Variants in PRORP observed in about 807,000 individuals in gnomAD.
The protein encoded by PRORP is protein only RNase P catalytic subunit, also known as mitochondrial ribonuclease P catalytic subunit.
Under a neutral mutation model 59.4 loss-of-function variants are expected in PRORP, and 51 were observed. That is an observed-to-expected ratio of 0.86 (90% CI 0.69 to 1.08). The LOEUF (loss-of-function observed/expected upper bound fraction) is 1.08, where lower values mean the gene tolerates loss of function less well. PRORP is among the 50% of genes least tolerant of loss of function. The probability of loss-of-function intolerance (pLI) is 0.00; values close to 1 mark genes in which losing one functional copy is unlikely to be tolerated. For missense variants in PRORP, 646 were observed against 690.3 expected (o/e 0.94, Z 0.72); for synonymous variants, 231 against 245.6 (o/e 0.94, Z 0.55).
At chr14:35,200,914 C>T (rs1191437328) in intron 5 of PRORP, among the ~76,000 whole-genome samples, 1 of 152,080 alleles carries the variant, frequency 6.6e-6, no homozygotes, top group Non-Finnish European at 1.5e-5. Flanking sequence ...TTCTGGAATC[C>T]CATCCAGGAT....
intron 5 of PRORP, among the ~76,000 whole-genome samples, chr14:35,237,803 C>T (rs1010908656): frequency 6.6e-6 from 1 of 151,520 alleles, no homozygotes; most frequent in Admixed American, 6.6e-5. Flanking sequence ...CAGGCGTATG[C>T]CACCAAGCCC....
At chr14:35,245,069 C>T (rs530287362) in intron 5 of PRORP, among the ~76,000 whole-genome samples, 6 of 152,240 alleles carry the variant, frequency 3.9e-5, no homozygotes, top group Non-Finnish European at 8.8e-5. Context: ...GGGTTTACCA[C>T]ATCAGGGCAT....
chr14:35,185,932 A>G (rs1053662262), intron 5 of PRORP, among the ~76,000 whole-genome samples: 2 of 152,172 alleles, frequency 1.3e-5, no homozygotes, highest in African/African-American at 4.8e-5. Context: ...TGGTTACTGA[A>G]ATAGTATACT....
intron 4 of PRORP, among the ~76,000 whole-genome samples, chr14:35,150,830 GA>G (rs960771847): frequency 1.3e-5 from 2 of 152,194 alleles, no homozygotes; most frequent in African/African-American, 4.8e-5. Context: ...TGCTCAAATG[GA>G]AAGTTTTGTG....
chr14:35,208,367 G>C (rs750675492), intron 5 of PRORP, among the ~76,000 whole-genome samples: 4 of 152,108 alleles, frequency 2.6e-5, no homozygotes, highest in Admixed American at 2.0e-4. Flanking sequence ...CTTGAGCCCA[G>C]GAGTTCAAGG....
intron 5 of PRORP, among the ~76,000 whole-genome samples, chr14:35,250,895 T>C (rs2050596349): frequency 6.6e-6 from 1 of 152,068 alleles, no homozygotes; most frequent in Non-Finnish European, 1.5e-5. Flanking sequence ...TTTCCGTAGG[T>C]TATTGGGGAA....
At chr14:35,215,665 G>A (rs1218398130) in intron 5 of PRORP, among the ~76,000 whole-genome samples, 2 of 152,070 alleles carry the variant, frequency 1.3e-5, no homozygotes, top group Non-Finnish European at 2.9e-5. Context: ...GGAGGCGGAA[G>A]GATTGCTTGA....
At chr14:35,242,969 AT>A (rs1225933462) in intron 5 of PRORP, among the ~76,000 whole-genome samples, 1 of 152,192 alleles carries the variant, frequency 6.6e-6, no homozygotes, top group Non-Finnish European at 1.5e-5. Flanking sequence ...CAAAGACATC[AT>A]GGTATATCTG....
intron 5 of PRORP, among the ~76,000 whole-genome samples, chr14:35,192,812 G>A (rs1010039350): frequency 2.6e-5 from 4 of 151,976 alleles, no homozygotes; most frequent in South Asian, 2.1e-4. Flanking sequence ...TGACCAACAC[G>A]GCGAAACCCT....
chr14:35,271,193 C>T lies in PRORP; in HGVS notation c.1620+597C>T, dbSNP rs1180835704. 3.0e-5 allele frequency among the ~76,000 whole-genome samples: 4 copies of T among 132,404 alleles called. 1 individual carries two copies. The highest frequency in any genetic ancestry group is 5.7e-5 in the African/African-American group (2 of 34,952). The allele number at this position is 132,404 out of a possible 152,430, so 86.9% of individuals were successfully genotyped here. ...TTTTTTTTTGAGACGGAATCTCACT[C>T]TGTCGCCCAGGCTGGAGTGCAGTGG... On this transcript the variant is annotated intron_variant, in intron 7 of 7. Transcript: ENST00000534898.
intron 5 of PRORP, among the ~76,000 whole-genome samples, chr14:35,208,975 G>A (rs1172350336): frequency 6.6e-6 from 1 of 152,076 alleles, no homozygotes; most frequent in Non-Finnish European, 1.5e-5. Flanking sequence ...AGGTTGCAGT[G>A]AGCCGAGATT....
chr14:35,174,562 A>G (rs749945695), intron 4 of PRORP, among the ~76,000 whole-genome samples: 1 of 152,050 alleles, frequency 6.6e-6, no homozygotes, highest in Non-Finnish European at 1.5e-5. Context: ...GATTGGCTGA[A>G]TCTTTACCTC....
intron 5 of PRORP, among the ~76,000 whole-genome samples, chr14:35,182,478 C>G (rs1052234311): frequency 1.6e-4 from 25 of 151,890 alleles, no homozygotes; most frequent in African/African-American, 5.6e-4. Flanking sequence ...AACCCCATCT[C>G]TACTAAAAAT....
At chr14:35,152,601 G>A (rs921979151) in intron 4 of PRORP, among the ~76,000 whole-genome samples, 1 of 151,378 alleles carries the variant, frequency 6.6e-6, no homozygotes, top group Non-Finnish European at 1.5e-5. Context: ...GCCGGGCGGG[G>A]GCTGACCCCC....
At chr14:35,233,246 C>G (rs990654937) in intron 5 of PRORP, among the ~76,000 whole-genome samples, 3 of 150,074 alleles carry the variant, frequency 2.0e-5, no homozygotes, top group African/African-American at 7.4e-5. Context: ...CTGATAGGTA[C>G]TTACCATCGG....
chr14:35,232,059 C>T (rs2050094688), intron 5 of PRORP, among the ~76,000 whole-genome samples: 1 of 152,152 alleles, frequency 6.6e-6, no homozygotes, highest in Non-Finnish European at 1.5e-5. Context: ...GTTTACAGAT[C>T]ACTTCTGCAG....
intron 5 of PRORP, among the ~76,000 whole-genome samples, chr14:35,196,399 C>G (rs12890874): frequency 1.3e-5 from 2 of 151,922 alleles, no homozygotes; most frequent in African/African-American, 4.8e-5. Flanking sequence ...GAGGCTGAGG[C>G]GGGGGGAGGA....
chr14:35,267,394 C>T (rs2051067372), intron 6 of PRORP, among the ~76,000 whole-genome samples: 1 of 152,062 alleles, frequency 6.6e-6, no homozygotes, highest in African/African-American at 2.4e-5. Context: ...ATGGGGTGGT[C>T]AGGAACAGCC....
At chr14:35,194,536 G>A (rs963186268) in intron 5 of PRORP, among the ~76,000 whole-genome samples, 7 of 152,122 alleles carry the variant, frequency 4.6e-5, no homozygotes, top group African/African-American at 7.2e-5. Flanking sequence ...CCTGTCGGGG[G>A]ATGAGGGGCT....
Sources: allele counts gnomAD v4.1 joint callset (sites outside exome capture counted in the v4.1 genomes callset), GRCh38; gene constraint gnomAD v4.1.1; transcripts MANE v1.5; gene names NCBI Gene and HGNC (gene_info 2026-07-23, HGNC 2026-07-21).